CAMK2G: variants seen among roughly 807,000 people sequenced by gnomAD.
CAMK2G encodes the protein calcium/calmodulin dependent protein kinase II gamma.
Under a neutral mutation model 88.7 loss-of-function variants are expected in CAMK2G, and 23 were observed. The ratio of observed to expected loss-of-function variants is 0.26; its 90% CI spans 0.19 to 0.37. The LOEUF (loss-of-function observed/expected upper bound fraction) is 0.37, where lower values mean the gene tolerates loss of function less well. Among genes scored for constraint, CAMK2G ranks in the 10% least tolerant of loss-of-function variants. The pLI is 1.00. For missense variants in CAMK2G, 476 were observed against 780.8 expected (o/e 0.61, Z 4.65); for synonymous variants, 263 against 294.8 (o/e 0.89, Z 1.11).
intron 2 of CAMK2G, among the ~76,000 whole-genome samples, chr10:73,861,940 T>C (rs905951290): frequency 1.3e-5 from 2 of 152,180 alleles, no homozygotes; most frequent in African/African-American, 2.4e-5. Flanking sequence ...ATGATGCCCA[T>C]TTTATAGAAA....
At chr10:73,854,913 C>T (rs2094913960) in intron 3 of CAMK2G, among the ~76,000 whole-genome samples, 1 of 152,126 alleles carries the variant, frequency 6.6e-6, no homozygotes, top group Admixed American at 6.5e-5. Context: ...TGACTCAACC[C>T]CAAAAATCCC....
intron 10 of CAMK2G, among the ~76,000 whole-genome samples, chr10:73,845,472 C>T (rs1335692326): frequency 6.6e-6 from 1 of 151,730 alleles, no homozygotes; most frequent in Non-Finnish European, 1.5e-5. Flanking sequence ...GTCCCAGCTA[C>T]TCGGGAGGCT....
intron 3 of CAMK2G, among the ~76,000 whole-genome samples, chr10:73,855,664 A>G (rs1327614579): frequency 2.0e-5 from 3 of 152,214 alleles, no homozygotes; most frequent in East Asian, 1.9e-4. Context: ...AAGGCCACAC[A>G]CAGAGCCCAG....
chr10:73,851,383 C>G (rs374676507), intron 5 of CAMK2G, among the ~76,000 whole-genome samples: 5 of 152,126 alleles, frequency 3.3e-5, no homozygotes, highest in East Asian at 1.9e-4. Context: ...AGGGCAGAGG[C>G]TGAGGCATGT....
In CAMK2G at chr10:73,839,411, C is replaced by T. The variant is rs2093566894; in HGVS notation, c.1009+128G>A. On this transcript the variant is annotated intron_variant, in intron 13 of 22. Coordinates refer to ENST00000423381, the MANE Select transcript of CAMK2G (RefSeq NM_001367534.1). The surrounding 1 kb of genome is among the most constrained non-coding windows in gnomAD (Gnocchi z 4.2). ...GCAGATGCCAAGTTAGGTAGTCTGT[C>T]TGGCATGCCCATCTCAGCCCGCAAG... 1 of 447,224 alleles carries T rather than the reference C, an allele frequency of 2.2e-6. No homozygotes were observed. Among genetic ancestry groups the T allele is most frequent in the South Asian group, 1.2e-4 (1 of 8,460 alleles). The allele number at this position is 447,224 out of a possible 1,614,324, so 27.7% of individuals were successfully genotyped here. A position where few individuals can be genotyped will look rare whatever the true frequency, so the allele number is the denominator to read the frequency against.
chr10:73,849,239 C>A lies in CAMK2G; in HGVS notation c.414+22G>T, dbSNP rs113189683. ...CGCCAACACTTCATGAGCAGAGGCACGGAGGGGAGCCTGGGTAGTACCTTC... is the reference window on the plus strand; with the variant it reads ...CGCCAACACTTCATGAGCAGAGGCAAGGAGGGGAGCCTGGGTAGTACCTTC... On this transcript the variant is annotated intron_variant, in intron 6 of 22. Coordinates refer to ENST00000423381, the MANE Select transcript of CAMK2G (RefSeq NM_001367534.1). 3.5e-3 allele frequency: 5,664 copies of A among 1,606,964 alleles called. 187 individuals carry two copies. The African/African-American group carries it at 0.065, about 18-fold the overall frequency.
chr10:73,825,205 G>T, intron 16 of CAMK2G, 74 bp downstream of exon 16: 1 of 1,041,632 alleles, frequency 9.6e-7, no homozygotes, highest in Non-Finnish European at 1.5e-6. Context: ...CAGGGAGGGG[G>T]CACAAGAGGA....
chr10:73,857,036 G>C (rs1270688404), intron 3 of CAMK2G, among the ~76,000 whole-genome samples: 2 of 152,204 alleles, frequency 1.3e-5, no homozygotes, highest in African/African-American at 4.8e-5. Flanking sequence ...GGGGGACTGA[G>C]CTGCCCCCCA....
chr10:73,860,500 C>T (rs1245129090), intron 3 of CAMK2G, among the ~76,000 whole-genome samples: 1 of 152,254 alleles, frequency 6.6e-6, no homozygotes, highest in East Asian at 1.9e-4. Context: ...TGGTGAGGGA[C>T]GCTGGCAGGC....
At chr10:73,846,050 T>C (rs550990659) in intron 10 of CAMK2G, among the ~76,000 whole-genome samples, 1 of 152,264 alleles carries the variant, frequency 6.6e-6, no homozygotes, top group South Asian at 2.1e-4. Flanking sequence ...CCCCAGCAGC[T>C]GAGACTACAG....
intron 21 of CAMK2G, chr10:73,815,741 A>G (rs2085243778): frequency 1.1e-6 from 1 of 915,960 alleles, no homozygotes. Context: ...AAACCATTCA[A>G]AATTGATTTG....
In CAMK2G at chr10:73,839,725, G is replaced by A. The variant is rs1274434528; in HGVS notation, c.947-124C>T. The A allele has an allele frequency of 3.0e-5, 14 of 473,874 alleles. No individual in the cohort carries two copies. Among genetic ancestry groups the A allele is most frequent in the Non-Finnish European group, 4.4e-5 (13 of 296,738 alleles). The allele number at this position is 473,874 out of a possible 1,614,324, so 29.4% of individuals were successfully genotyped here. On this transcript the variant is annotated intron_variant, in intron 12 of 22. Coordinates refer to ENST00000423381, the MANE Select transcript of CAMK2G (RefSeq NM_001367534.1). The surrounding 1 kb of genome is among the most constrained non-coding windows in gnomAD (Gnocchi z 4.2). ...GCCAAGCCAGCCGAGCTGGGGGAGC[G>A]GAGCGCCAGGGGCAGGCTGAGGAGG...
intron 18 of CAMK2G, among the ~76,000 whole-genome samples, chr10:73,821,098 C>T (rs1031044371): frequency 4.6e-5 from 7 of 152,060 alleles, no homozygotes; most frequent in African/African-American, 1.7e-4. Context: ...GTGTGAGTCA[C>T]CGCACCTGGC....
At chr10:73,850,490 G>T (rs2094542325) in intron 5 of CAMK2G, among the ~76,000 whole-genome samples, 1 of 152,362 alleles carries the variant, frequency 6.6e-6, no homozygotes, top group African/African-American at 2.4e-5. Flanking sequence ...ACTGGAGGAG[G>T]GGTGCTCCCA....
At chr10:73,816,075 A>T in intron 21 of CAMK2G, 3 of 985,550 alleles carry the variant, frequency 3.0e-6, no homozygotes, top group Non-Finnish European at 3.6e-6. Flanking sequence ...ACTAACTATA[A>T]CTCAGGGCAG....
chr10:73,855,209 C>T (rs1043382913), intron 3 of CAMK2G, among the ~76,000 whole-genome samples: 2 of 152,172 alleles, frequency 1.3e-5, no homozygotes, highest in East Asian at 1.9e-4. Flanking sequence ...CACTTGCGCA[C>T]CTCTGGTCTA....
At chr10:73,863,059 G>A (rs1591265584) in intron 2 of CAMK2G, among the ~76,000 whole-genome samples, 1 of 152,242 alleles carries the variant, frequency 6.6e-6, no homozygotes, top group East Asian at 1.9e-4. Context: ...AGGGATTATG[G>A]ACTAGAAGAA....
At chr10:73,823,944 C>A in intron 17 of CAMK2G, 96 bp downstream of exon 17, 1 of 926,936 alleles carries the variant, frequency 1.1e-6, no homozygotes, top group Non-Finnish European at 1.8e-6. Flanking sequence ...TCTGCAAACA[C>A]CTTGGCCTCA....
chr10:73,856,608 A>C (rs1282439580), intron 3 of CAMK2G, among the ~76,000 whole-genome samples: 1 of 152,252 alleles, frequency 6.6e-6, no homozygotes, highest in African/African-American at 2.4e-5. Flanking sequence ...GCAGGAGCAG[A>C]GGGACTATGG....
Sources: gnomAD v4.1 joint callset for allele counts (sites outside exome capture counted in the v4.1 genomes callset) on GRCh38, gnomAD v4.1.1 for gene constraint, Gnocchi (gnomAD v3.1) non-coding constraint, MANE v1.5 for transcripts, NCBI Gene and HGNC (gene_info 2026-07-23, HGNC 2026-07-21) for gene names.